Variants in OPCML observed in about 807,000 individuals in gnomAD.
The protein encoded by OPCML is opioid binding protein/cell adhesion molecule like.
Under a neutral mutation model 37.8 loss-of-function variants are expected in OPCML, and 13 were observed. The ratio of observed to expected loss-of-function variants is 0.34; its 90% confidence interval spans 0.22 to 0.55. The LOEUF is 0.55. Ranked by LOEUF, OPCML falls within the 20% of genes least tolerant of loss-of-function variation. OPCML has a pLI of 0.91. For missense variants in OPCML, 341 were observed against 435.6 expected (o/e 0.78, Z 1.93); for synonymous variants, 176 against 168.8 (o/e 1.04, Z -0.33).
At chr11:132,722,667 A>C (rs1944716996) in intron 2 of OPCML, among the ~76,000 whole-genome samples, 1 of 152,106 alleles carries the variant, frequency 6.6e-6, no homozygotes, top group Admixed American at 6.5e-5. Flanking sequence ...GCTATCTATC[A>C]TGTCTCCTTA....
At chr11:133,070,296 C>T (rs1281850282) in intron 1 of OPCML, among the ~76,000 whole-genome samples, 3 of 152,196 alleles carry the variant, frequency 2.0e-5, no homozygotes, top group Non-Finnish European at 4.4e-5. Context: ...GTCTTTCAAA[C>T]AGGCAACTTC....
intron 1 of OPCML, among the ~76,000 whole-genome samples, chr11:133,140,745 CGAGGAAGAA>C (rs1949772101): frequency 2.5e-5 from 2 of 80,272 alleles, no homozygotes; most frequent in African/African-American, 3.8e-5. Context: ...ACGACGACGA[CGAGGAAGAA>C]GAAGACGACG....
At chr11:133,511,523 C>T (rs911634019) in intron 1 of OPCML, among the ~76,000 whole-genome samples, 3 of 139,432 alleles carry the variant, frequency 2.2e-5, no homozygotes, top group Admixed American at 6.8e-5. Flanking sequence ...GGCAGATTCA[C>T]TCATGCCCTG....
intron 1 of OPCML, among the ~76,000 whole-genome samples, chr11:132,978,419 A>G (rs1267993121): frequency 6.6e-6 from 1 of 152,130 alleles, no homozygotes; most frequent in African/African-American, 2.4e-5. Flanking sequence ...CTCCGCTGAA[A>G]AGCCTTAAAA....
At chr11:132,645,073 C>A (rs952583301) in intron 3 of OPCML, among the ~76,000 whole-genome samples, 1 of 152,242 alleles carries the variant, frequency 6.6e-6, no homozygotes, top group Non-Finnish European at 1.5e-5. Context: ...ACTTCCAGCT[C>A]TGCCTGCCAG....
intron 2 of OPCML, among the ~76,000 whole-genome samples, chr11:132,805,022 A>G (rs1487598147): frequency 1.3e-5 from 2 of 152,234 alleles, no homozygotes; most frequent in Non-Finnish European, 2.9e-5. Flanking sequence ...AAATGTGTTC[A>G]CAAAATTATA....
At chr11:133,195,934 T>C (rs1268846584) in intron 1 of OPCML, among the ~76,000 whole-genome samples, 1 of 152,198 alleles carries the variant, frequency 6.6e-6, no homozygotes, top group African/African-American at 2.4e-5. Flanking sequence ...TTCTACCTTT[T>C]CTCTAAGTCA....
chr11:132,621,596 C>T (rs978670041), intron 3 of OPCML, among the ~76,000 whole-genome samples: 3 of 152,100 alleles, frequency 2.0e-5, no homozygotes, highest in Admixed American at 2.0e-4. Flanking sequence ...GAGAGGCACA[C>T]TAGTGATGAT....
chr11:132,874,185 T>C (rs546623160), intron 2 of OPCML, among the ~76,000 whole-genome samples: 23 of 152,234 alleles, frequency 1.5e-4, no homozygotes, highest in Non-Finnish European at 3.1e-4. Flanking sequence ...TCAATCATAA[T>C]TGGGGCAGGT....
In OPCML at chr11:132,529,027, A is replaced by G. The variant is rs1482084841; in HGVS notation, c.505+34T>C. 3 of 1,359,872 alleles carry G rather than the reference A, an allele frequency of 2.2e-6. No individual in the cohort carries two copies. In the African/African-American group the frequency reaches 4.3e-5, roughly 20 times the overall value. The allele number at this position is 1,359,872 out of a possible 1,614,324, so 84.2% of individuals were successfully genotyped here. A position where few individuals can be genotyped will look rare whatever the true frequency, so the allele number is the denominator to read the frequency against. ...ATAAGAGCCAAGACTTTAACATACT[A>G]CCTCTGAAAACGTCCTCCAGGTCAG... On this transcript the variant is annotated intron_variant, in intron 4 of 7. Coordinates refer to ENST00000524381, the MANE Select transcript of OPCML (RefSeq NM_001012393.5).
At chr11:133,223,299 T>C (rs1168046187) in intron 1 of OPCML, among the ~76,000 whole-genome samples, 2 of 152,148 alleles carry the variant, frequency 1.3e-5, no homozygotes, top group African/African-American at 4.8e-5. Context: ...TGGGTACTAA[T>C]GAGGAGCAAA....
intron 1 of OPCML, among the ~76,000 whole-genome samples, chr11:133,380,639 A>G (rs963867544): frequency 1.3e-5 from 2 of 152,258 alleles, no homozygotes; most frequent in Admixed American, 6.5e-5. Context: ...CTTCTATCCC[A>G]TATCTCTTTA....
At chr11:132,628,506 G>GA (rs1939882543) in intron 3 of OPCML, among the ~76,000 whole-genome samples, 1 of 152,080 alleles carries the variant, frequency 6.6e-6, no homozygotes, top group Non-Finnish European at 1.5e-5. Flanking sequence ...TCAGAAATAG[G>GA]AAAGGACTCA....
At chr11:132,900,613 C>G (rs1460934060) in intron 2 of OPCML, among the ~76,000 whole-genome samples, 1 of 152,184 alleles carries the variant, frequency 6.6e-6, no homozygotes, top group Non-Finnish European at 1.5e-5. Flanking sequence ...CCTAAATGTG[C>G]CTTACAGACT....
intron 2 of OPCML, among the ~76,000 whole-genome samples, chr11:132,692,534 T>C (rs1943443756): frequency 6.6e-6 from 1 of 152,176 alleles, no homozygotes; most frequent in Non-Finnish European, 1.5e-5. Flanking sequence ...TGGTGGAAAA[T>C]TGATAAATCA....
chr11:132,529,678 T>C (rs2096318670), intron 3 of OPCML, among the ~76,000 whole-genome samples: 1 of 152,226 alleles, frequency 6.6e-6, no homozygotes, highest in African/African-American at 2.4e-5. Context: ...ATCTTTGACC[T>C]TGAACAGGTT....
intron 1 of OPCML, among the ~76,000 whole-genome samples, chr11:133,367,236 C>T (rs529047857): frequency 1.3e-5 from 2 of 152,184 alleles, no homozygotes; most frequent in Non-Finnish European, 2.9e-5. Context: ...CTCAGCCTCC[C>T]AAAGTGCTGG....
At chr11:133,519,970 A>G (rs1948365100) in intron 1 of OPCML, among the ~76,000 whole-genome samples, 1 of 152,162 alleles carries the variant, frequency 6.6e-6, no homozygotes, top group Admixed American at 6.5e-5. Context: ...GTGCCACCTT[A>G]CGTCTCTGAG....
chr11:132,820,684 T>C (rs745347287), intron 2 of OPCML, among the ~76,000 whole-genome samples: 3 of 152,186 alleles, frequency 2.0e-5, no homozygotes, highest in Admixed American at 6.5e-5. Flanking sequence ...CTGAATTCAC[T>C]GCACATATCT....
Sources: gnomAD v4.1 joint callset for allele counts (sites outside exome capture counted in the v4.1 genomes callset) on GRCh38, gnomAD v4.1.1 for gene constraint, MANE v1.5 for transcripts, NCBI Gene and HGNC (gene_info 2026-07-23, HGNC 2026-07-21) for gene names.